KIAA1328: variants seen among roughly 807,000 people sequenced by gnomAD.
KIAA1328 encodes the protein protein hinderin.
A neutral mutation model predicts 68.1 loss-of-function variants in KIAA1328; 52 were observed. The observed-to-expected ratio is 0.76, with a 90% CI of 0.61 to 0.96. The LOEUF is 0.96. Ranked by LOEUF, KIAA1328 falls within the 40% of genes least tolerant of loss-of-function variation. The pLI, the probability that KIAA1328 is intolerant of heterozygous loss-of-function variation, is 0.00. For missense variants in KIAA1328, 641 were observed against 677.6 expected, an observed-to-expected ratio of 0.95 and a Z score of 0.60; for synonymous variants, 232 against 239.4, an observed-to-expected ratio of 0.97 and a Z score of 0.28.
intron 7 of KIAA1328, among the ~76,000 whole-genome samples, chr18:37,095,833 C>G (rs1392425220): frequency 1.3e-5 from 2 of 151,996 alleles, no homozygotes; most frequent in African/African-American, 2.4e-5. Context: ...CACAGAAACA[C>G]AAAGAATCAT....
intron 7 of KIAA1328, among the ~76,000 whole-genome samples, chr18:37,126,484 T>C (rs2058392585): frequency 6.6e-6 from 1 of 152,088 alleles, no homozygotes; most frequent in African/African-American, 2.4e-5. Context: ...CAAAGAAAAC[T>C]TAGGTCCTAG....
At chr18:36,902,023 G>A (rs1042601553) in intron 5 of KIAA1328, 1 of 151,830 alleles carries the variant, frequency 6.6e-6, no homozygotes, top group Admixed American at 6.6e-5. Context: ...TCTGAGATTA[G>A]CACTTTTCAC....
rs2060612252 is a variant in KIAA1328 at position 37,224,340 on chromosome 18, C to G, written c.*2113C>G. The G allele has an allele frequency of 3.0e-6, 3 of 985,382 alleles. No homozygotes were observed. Among genetic ancestry groups the G allele is most frequent in the Non-Finnish European group, 3.6e-6 (3 of 829,938 alleles). 61.0% of individuals were successfully genotyped at this position (985,382 alleles called of 1,614,324 possible). ...TAAACTAAAGGCTTTTTGGGGGTCA[C>G]AGCCACAGAGTGGAGTTTTATTGCT... On this transcript the variant is annotated 3_prime_UTR_variant, in exon 10 of 10. Coordinates refer to ENST00000280020, the MANE Select transcript of KIAA1328 (RefSeq NM_020776.3).
chr18:37,099,562 G>T (rs1321455375), intron 7 of KIAA1328, among the ~76,000 whole-genome samples: 1 of 152,170 alleles, frequency 6.6e-6, no homozygotes, highest in Non-Finnish European at 1.5e-5. Context: ...TTGATTTGGG[G>T]TGGAGAGTTC....
intron 6 of KIAA1328, among the ~76,000 whole-genome samples, chr18:37,005,494 C>G (rs1218281636): frequency 6.6e-6 from 1 of 151,406 alleles, no homozygotes; most frequent in African/African-American, 2.4e-5. Context: ...AACTCTTATA[C>G]TGTTGGTGGG....
At chr18:36,872,343 C>G (rs887699703) in intron 4 of KIAA1328, among the ~76,000 whole-genome samples, 4 of 151,782 alleles carry the variant, frequency 2.6e-5, no homozygotes, top group African/African-American at 9.7e-5. Flanking sequence ...AACCAGGACC[C>G]CCACCATCAG....
intron 6 of KIAA1328, chr18:37,063,667 A>G (rs757315020): frequency 1.5e-5 from 15 of 985,300 alleles, no homozygotes; most frequent in Non-Finnish European, 1.7e-5. Context: ...TAGGCAAAGC[A>G]TTCGTTAAAA....
intron 9 of KIAA1328, among the ~76,000 whole-genome samples, chr18:37,182,415 C>A (rs1276293104): frequency 2.6e-5 from 4 of 152,082 alleles, no homozygotes; most frequent in East Asian, 1.9e-4. Flanking sequence ...TGGCTTTGAA[C>A]AAATCATTTA....
chr18:36,895,328 CT>C, intron 5 of KIAA1328, among the ~76,000 whole-genome samples: 1 of 152,258 alleles, frequency 6.6e-6, no homozygotes, highest in Middle Eastern at 3.4e-3. Context: ...GAATAAGCTG[CT>C]TTGCAAAGGC....
chr18:36,978,835 T>C (rs2052572055), intron 6 of KIAA1328, among the ~76,000 whole-genome samples: 2 of 152,228 alleles, frequency 1.3e-5, no homozygotes, highest in African/African-American at 2.4e-5. Context: ...GATTTATTTT[T>C]TCCTTAAAGC....
At chr18:37,078,060 G>A (rs1031706927) in intron 7 of KIAA1328, among the ~76,000 whole-genome samples, 1 of 152,168 alleles carries the variant, frequency 6.6e-6, no homozygotes, top group African/African-American at 2.4e-5. Flanking sequence ...GAGGCATCAT[G>A]CTACCTGACT....
At chr18:37,026,946 G>A (rs1478081087) in intron 6 of KIAA1328, among the ~76,000 whole-genome samples, 1 of 152,186 alleles carries the variant, frequency 6.6e-6, no homozygotes, top group African/African-American at 2.4e-5. Flanking sequence ...CCTGTTTGCA[G>A]ATGACATGAT....
chr18:36,864,678 T>C (rs559080525), intron 4 of KIAA1328, among the ~76,000 whole-genome samples: 2 of 151,982 alleles, frequency 1.3e-5, no homozygotes, highest in East Asian at 3.9e-4. Flanking sequence ...TCTTCTATTT[T>C]CTGGAATAAA....
At chr18:36,944,301 A>G (rs1034903631) in intron 5 of KIAA1328, among the ~76,000 whole-genome samples, 6 of 152,056 alleles carry the variant, frequency 3.9e-5, no homozygotes, top group Admixed American at 6.5e-5. Flanking sequence ...CATGGGGGCC[A>G]GGCGCGGTGG....
At position 37,073,881 on chromosome 18, in the gene KIAA1328, T is replaced by C. The variant is rs554147229; in HGVS notation, c.1232+6336T>C. 2.0e-5 allele frequency among the ~76,000 whole-genome samples: 3 copies of C among 152,334 alleles called. No homozygotes were observed. In the South Asian group the frequency reaches 6.2e-4, roughly 32 times the overall value. ...TGATCTTGACACTAGTTTCTGCTGATTGTCTTTTCTTATTCAAGTTGAGAT... is the reference window on the plus strand; with the variant it reads ...TGATCTTGACACTAGTTTCTGCTGACTGTCTTTTCTTATTCAAGTTGAGAT... On this transcript the variant is annotated intron_variant, in intron 7 of 9. Coordinates refer to ENST00000280020, the MANE Select transcript of KIAA1328 (RefSeq NM_020776.3).
intron 5 of KIAA1328, among the ~76,000 whole-genome samples, chr18:36,929,875 C>G (rs1305472030): frequency 6.6e-6 from 1 of 152,078 alleles, no homozygotes; most frequent in Non-Finnish European, 1.5e-5. Flanking sequence ...CCACCCGGGT[C>G]TATGGTAGTT....
intron 7 of KIAA1328, among the ~76,000 whole-genome samples, chr18:37,079,583 A>T (rs1172251039): frequency 6.6e-6 from 1 of 152,132 alleles, no homozygotes; most frequent in East Asian, 1.9e-4. Context: ...AATAATGGAA[A>T]GCAAATACAT....
At chr18:36,851,823 G>C (rs1019243737) in intron 4 of KIAA1328, among the ~76,000 whole-genome samples, 2 of 141,748 alleles carry the variant, frequency 1.4e-5, no homozygotes, top group Non-Finnish European at 1.6e-5. Flanking sequence ...CCTTTTGCTG[G>C]CTTTTTACTT....
At chr18:36,842,489 A>G (rs184066628) in intron 3 of KIAA1328, among the ~76,000 whole-genome samples, 1 of 152,294 alleles carries the variant, frequency 6.6e-6, no homozygotes, top group Admixed American at 6.5e-5. Flanking sequence ...CCAGAGTCTT[A>G]GACTTAGCAT....
Sources: allele counts gnomAD v4.1 joint callset (sites outside exome capture counted in the v4.1 genomes callset), GRCh38; gene constraint gnomAD v4.1.1; transcripts MANE v1.5; gene names NCBI Gene and HGNC (gene_info 2026-07-23, HGNC 2026-07-21).